TMEM158: variants seen among roughly 807,000 people sequenced by gnomAD.
TMEM158 encodes 40 kDa BINP-binding protein.
A neutral mutation model predicts 12.0 loss-of-function variants in TMEM158; 7 were observed. That is an observed-to-expected ratio of 0.59 (90% CI 0.33 to 1.10). The LOEUF (loss-of-function observed/expected upper bound fraction) is 1.10, where lower values mean the gene tolerates loss of function less well. Ranked by LOEUF, TMEM158 falls within the 50% of genes least tolerant of loss-of-function variation. The pLI, the probability that TMEM158 is intolerant of heterozygous loss-of-function variation, is 0.03. For missense variants in TMEM158, 405 were observed against 454.7 expected (o/e 0.89, Z 0.99); for synonymous variants, 209 against 231.1 (o/e 0.90, Z 0.87).
chr3:45,225,952 GCGCGTCCGCGGCCCCGC>G lies in TMEM158; in HGVS notation c.59_75del (p.Gly20AlafsTer193). The G allele has an allele frequency of 1.8e-6, 2 of 1,140,002 alleles. No homozygotes were observed. The highest frequency in any genetic ancestry group is 2.1e-6 in the Non-Finnish European group (2 of 931,898). 70.6% of individuals were successfully genotyped at this position (1,140,002 alleles called of 1,614,324 possible). A position where few individuals can be genotyped will look rare whatever the true frequency, so the allele number is the denominator to read the frequency against. On this transcript the variant is annotated frameshift_variant, in exon 1 of 1. Transcript: ENST00000503771. LOFTEE classifies it high-confidence loss of function. The surrounding 1 kb of genome is among the most constrained non-coding windows in gnomAD (Gnocchi z 5.7). Reference sequence around the variant, plus strand: ...TTGGAGGGCACCCCGAGGAGGCCGGGCGCGTCCGCGGCCCCGCCGCGGACGGGCGGCAGCGGGCAGGC... The same window carrying G: ...TTGGAGGGCACCCCGAGGAGGCCGGGCGCGGACGGGCGGCAGCGGGCAGGC...
At position 45,226,068 on chromosome 3, in the gene TMEM158, T is replaced by C. The variant is rs1418392388; in HGVS notation, c.-41A>G. The C allele has an allele frequency of 9.2e-6, 9 of 982,648 alleles. No individual in the cohort carries two copies. The highest frequency in any genetic ancestry group is 8.4e-6 in the Non-Finnish European group (7 of 830,034). The allele number at this position is 982,648 out of a possible 1,614,324, so 60.9% of individuals were successfully genotyped here. On this transcript the variant is annotated 5_prime_UTR_variant, in exon 1 of 1. Coordinates refer to ENST00000503771, the MANE Select transcript of TMEM158 (RefSeq NM_015444.3). ...CCTACGCGCGCGAGGCCGGCGGCGGTTGCATGGCGAGCGGGCGACGGGCCG... is the reference window on the plus strand; with the variant it reads ...CCTACGCGCGCGAGGCCGGCGGCGGCTGCATGGCGAGCGGGCGACGGGCCG...
chr3:45,224,998 T>C lies in TMEM158; in HGVS notation c.*127A>G, dbSNP rs1421994325. On this transcript the variant is annotated 3_prime_UTR_variant, in exon 1 of 1. Transcript: ENST00000503771. ...TGCTTTTCAAAGGCGCTGGGGTCTC[T>C]CGGCGGCCCCATCTCGGGAAGAGGA... The C allele has an allele frequency of 4.2e-6, 5 of 1,187,262 alleles. No individual in the cohort carries two copies. Among genetic ancestry groups the C allele is most frequent in the Non-Finnish European group, 3.1e-6 (3 of 958,166 alleles). The allele number at this position is 1,187,262 out of a possible 1,614,324, so 73.5% of individuals were successfully genotyped here.
chr3:45,225,861 G>C lies in TMEM158; in HGVS notation c.167C>G (p.Pro56Arg), dbSNP rs1405570259. Residue 56 changes from proline to arginine, a missense_variant, in exon 1 of 1, where the codon CCC becomes CGC. By Grantham distance (103) the Pro-to-Arg change is moderately radical. Transcript: ENST00000503771. The surrounding 1 kb of genome is among the most constrained non-coding windows in gnomAD (Gnocchi z 5.7). ...CGGGCCCGGGCGCTCGGGGGGCCCG[G>C]GGGCCGCCGAGGCCAGCAGCCGCGG... The part of the protein sequence containing the change: ...IAPRLLASAA[P>R]GPPERPGPEE... 4 of 1,230,606 alleles carry C rather than the reference G, an allele frequency of 3.3e-6. No homozygotes were observed. In the East Asian group the frequency reaches 1.4e-4, roughly 42 times the overall value. The allele number at this position is 1,230,606 out of a possible 1,614,324, so 76.2% of individuals were successfully genotyped here. A position where few individuals can be genotyped will look rare whatever the true frequency, so the allele number is the denominator to read the frequency against.
chr3:45,225,973 G>C lies in TMEM158; in HGVS notation c.55C>G (p.Arg19Gly), dbSNP rs1700156098. 1 of 1,108,304 alleles carries C rather than the reference G, an allele frequency of 9.0e-7. No homozygotes were observed. The highest frequency in any genetic ancestry group is 1.7e-5 in the African/African-American group (1 of 58,366). 68.7% of individuals were successfully genotyped at this position (1,108,304 alleles called of 1,614,324 possible). A position where few individuals can be genotyped will look rare whatever the true frequency, so the allele number is the denominator to read the frequency against. The change falls in exon 1 of 1, where the codon CGC (arginine) becomes GGC (glycine). Residue 19 changes from arginine (R) to glycine (G), a missense_variant. Arg to Gly is a moderately radical substitution (Grantham distance 125). Coordinates refer to ENST00000503771, the MANE Select transcript of TMEM158 (RefSeq NM_015444.3). This position sits in a 1 kb window ranked among gnomAD's most constrained non-coding sequence, Gnocchi z 5.7. ...CCGGGCGCGTCCGCGGCCCCGCCGC[G>C]GACGGGCGGCAGCGGGCAGGCGGCG... is the stretch of plus-strand genomic sequence containing the variant. ...LAAACPLPPVRGGAADAPGLL... is the reference protein window; with the variant it reads ...LAAACPLPPVGGGAADAPGLL...
rs949774187 is a variant in TMEM158, at chr3:45,226,002, A to C, written c.26T>G (p.Leu9Arg). The change falls in exon 1 of 1, where the codon CTG (leucine) becomes CGG (arginine). Residue 9 changes from leucine to arginine, a missense_variant. Physicochemically the swap from Leu to Arg is moderately radical, Grantham distance 102. Coordinates refer to ENST00000503771, the MANE Select transcript of TMEM158 (RefSeq NM_015444.3). ...GGGCGGCAGCGGGCAGGCGGCGGCC[A>C]GGAGCGCGGCGAGCAGGGGCAGCAT... is the stretch of plus-strand genomic sequence containing the variant. MLPLLAAL[L>R]AAACPLPPVR... The C allele has an allele frequency of 3.8e-6, 4 of 1,049,908 alleles. No homozygotes were observed. Among genetic ancestry groups the C allele is most frequent in the Non-Finnish European group, 4.6e-6 (4 of 875,936 alleles). The allele number at this position is 1,049,908 out of a possible 1,614,324, so 65.0% of individuals were successfully genotyped here.
Position 45,224,964 on chromosome 3 carries a change from C to CAT in TMEM158, c.*160_*161insAT. Reference sequence around the variant, plus strand: ...CTGCTTTTCGGAACTGGAAGCGCAGCACAAACCTTGCTTTTCAAAGGCGCT... The same window carrying CAT: ...CTGCTTTTCGGAACTGGAAGCGCAGCATACAAACCTTGCTTTTCAAAGGCGCT... On this transcript the variant is annotated 3_prime_UTR_variant, in exon 1 of 1. Coordinates refer to ENST00000503771, the MANE Select transcript of TMEM158 (RefSeq NM_015444.3). 2 of 1,142,050 alleles carry CAT rather than the reference C, an allele frequency of 1.8e-6. No homozygotes were observed. Among genetic ancestry groups the CAT allele is most frequent in the South Asian group, 4.5e-5 (1 of 22,346 alleles). The allele number at this position is 1,142,050 out of a possible 1,614,324, so 70.7% of individuals were successfully genotyped here.
Position 45,224,834 on chromosome 3 carries a change from G to A in TMEM158, c.*291C>T, listed in dbSNP as rs1410830441. ...CATGAATCTAGGGCACGTGGGTGCG[G>A]GGAAGGAGTCGGGCAGGGGGATGCA... is the stretch of plus-strand genomic sequence containing the variant. On this transcript the variant is annotated 3_prime_UTR_variant, in exon 1 of 1. Transcript: ENST00000503771. The A allele has an allele frequency of 3.0e-6, 1 of 328,460 alleles. No individual in the cohort carries two copies. The highest frequency in any genetic ancestry group is 2.2e-5 in the African/African-American group (1 of 46,280). 20.3% of individuals were successfully genotyped at this position (328,460 alleles called of 1,614,324 possible).
chr3:45,225,385 G>C lies in TMEM158; in HGVS notation c.643C>G (p.Leu215Val), dbSNP rs1168445061. 2 of 1,508,686 alleles carry C rather than the reference G, an allele frequency of 1.3e-6. No homozygotes were observed. Among genetic ancestry groups the C allele is most frequent in the Non-Finnish European group, 1.8e-6 (2 of 1,123,926 alleles). 93.5% of individuals were successfully genotyped at this position (1,508,686 alleles called of 1,614,324 possible). The change falls in exon 1 of 1, where the codon CTG becomes GTG. Residue 215 changes from leucine to valine, a missense_variant. Leu to Val is a conservative substitution (Grantham distance 32). Transcript: ENST00000503771. This position sits in a 1 kb window ranked among gnomAD's most constrained non-coding sequence, Gnocchi z 5.7. ...GTGGACTCAATGGGCTTACGGTTCAGCCGCCAGCCCGGCTCGCCCTGCAGC... is the reference window on the plus strand; with the variant it reads ...GTGGACTCAATGGGCTTACGGTTCACCCGCCAGCCCGGCTCGCCCTGCAGC... ...EELQGEPGWRLNRKPIESTLV... is the reference protein window; with the variant it reads ...EELQGEPGWRVNRKPIESTLV...
Position 45,225,782 on chromosome 3 carries a change from C to A in TMEM158, c.246G>T (p.Met82Ile). 7.1e-7 allele frequency: 1 copy of A among 1,414,008 alleles called. No individual in the cohort carries two copies. The highest frequency in any genetic ancestry group is 9.3e-7 in the Non-Finnish European group (1 of 1,078,152). The allele number at this position is 1,414,008 out of a possible 1,614,324, so 87.6% of individuals were successfully genotyped here. The change falls in exon 1 of 1, where the codon ATG becomes ATT. Residue 82 changes from methionine (M) to isoleucine (I), a missense_variant. Transcript: ENST00000503771. This position sits in a 1 kb window ranked among gnomAD's most constrained non-coding sequence, Gnocchi z 5.7. ...CCCAGCGCACGAGCAGCGAGCTCAG[C>A]ATCTGCCGCTGCACGCTGATGTTGC... Reference protein sequence around the residue: ...APCNISVQRQMLSSLLVRWGR... With the variant: ...APCNISVQRQILSSLLVRWGR...
Position 45,224,911 on chromosome 3 carries a change from C to CCCA in TMEM158, c.*211_*213dup. 1 of 808,070 alleles carries CCCA rather than the reference C, an allele frequency of 1.2e-6. No individual in the cohort carries two copies. Among genetic ancestry groups the CCCA allele is most frequent in the Non-Finnish European group, 1.6e-6 (1 of 614,554 alleles). The allele number at this position is 808,070 out of a possible 1,614,324, so 50.1% of individuals were successfully genotyped here. The stretch of plus-strand genomic sequence containing the variant: ...TCCTCTCCGTCTTCGGAGCTGCGAT[C>CCCA]CCACCCTCAGTCCAAGGGCTTAAAC... On this transcript the variant is annotated 3_prime_UTR_variant, in exon 1 of 1. Coordinates refer to ENST00000503771, the MANE Select transcript of TMEM158 (RefSeq NM_015444.3).
In TMEM158 at chr3:45,225,749, C is replaced by T; in HGVS notation, c.279G>A (p.Pro93=). Residue 93 remains proline (P), a synonymous_variant, in exon 1 of 1, where the codon CCG becomes CCA. Transcript: ENST00000503771. The surrounding 1 kb of genome is among the most constrained non-coding windows in gnomAD (Gnocchi z 5.7). Reference sequence around the variant, plus strand: ...GCAGTAGGTCGCACTGGAAGCCCCGCGGGCGGCCCCAGCGCACGAGCAGCG... The same window carrying T: ...GCAGTAGGTCGCACTGGAAGCCCCGTGGGCGGCCCCAGCGCACGAGCAGCG... ...LSSLLVRWGR[P]RGFQCDLLLF... The T allele has an allele frequency of 6.9e-6, 10 of 1,442,260 alleles. No homozygotes were observed. The highest frequency in any genetic ancestry group is 7.3e-6 in the Non-Finnish European group (8 of 1,093,126). The allele number at this position is 1,442,260 out of a possible 1,614,324, so 89.3% of individuals were successfully genotyped here. A position where few individuals can be genotyped will look rare whatever the true frequency, so the allele number is the denominator to read the frequency against.
Position 45,225,410 on chromosome 3 carries a change from C to T in TMEM158, c.618G>A (p.Glu206=). 1 of 1,464,996 alleles carries T rather than the reference C, an allele frequency of 6.8e-7. No homozygotes were observed. Among genetic ancestry groups the T allele is most frequent in the South Asian group, 1.4e-5 (1 of 73,820 alleles). 90.7% of individuals were successfully genotyped at this position (1,464,996 alleles called of 1,614,324 possible). A position where few individuals can be genotyped will look rare whatever the true frequency, so the allele number is the denominator to read the frequency against. The change falls in exon 1 of 1, where the codon GAG becomes GAA. Residue 206 remains glutamate, a synonymous_variant. Transcript: ENST00000503771. The surrounding 1 kb of genome is among the most constrained non-coding windows in gnomAD (Gnocchi z 5.7). ...HFCCLDFSLE[E]LQGEPGWRLN... ...GCCGCCAGCCCGGCTCGCCCTGCAG[C>T]TCCTCCAGGCTGAAGTCTAGGCAGC...
Position 45,225,692 on chromosome 3 carries a change from G to C in TMEM158, c.336C>G (p.Phe112Leu), listed in dbSNP as rs1266327721. The change falls in exon 1 of 1, where the codon TTC (phenylalanine) becomes TTG (leucine). Residue 112 changes from phenylalanine (F) to leucine (L), a missense_variant. Transcript: ENST00000503771. The surrounding 1 kb of genome is among the most constrained non-coding windows in gnomAD (Gnocchi z 5.7). ...CGACGCGGTGGAAGGCGGCGGCGAA[G>C]AAAGCGCGGCCGTGCGCGTTGGTGG... ...LFSTNAHGRA[F>L]FAAAFHRVGP... The C allele has an allele frequency of 1.4e-6, 2 of 1,462,770 alleles. No individual in the cohort carries two copies. The highest frequency in any genetic ancestry group is 1.8e-6 in the Non-Finnish European group (2 of 1,104,988). 90.6% of individuals were successfully genotyped at this position (1,462,770 alleles called of 1,614,324 possible).
Position 45,226,186 on chromosome 3 carries a change from G to T in TMEM158, c.-159C>A, listed in dbSNP as rs1700158433. 5 of 930,278 alleles carry T rather than the reference G, an allele frequency of 5.4e-6. No individual in the cohort carries two copies. Among genetic ancestry groups the T allele is most frequent in the Non-Finnish European group, 6.4e-6 (5 of 781,556 alleles). 57.6% of individuals were successfully genotyped at this position (930,278 alleles called of 1,614,324 possible). A position where few individuals can be genotyped will look rare whatever the true frequency, so the allele number is the denominator to read the frequency against. ...AGCCCGCAGGGGCGGCGCGGAGGCGGTGACGGCGGCTGGCTCGGCGCGGGG... is the reference window on the plus strand; with the variant it reads ...AGCCCGCAGGGGCGGCGCGGAGGCGTTGACGGCGGCTGGCTCGGCGCGGGG... On this transcript the variant is annotated 5_prime_UTR_variant, in exon 1 of 1. Coordinates refer to ENST00000503771, the MANE Select transcript of TMEM158 (RefSeq NM_015444.3).
At position 45,225,811 on chromosome 3, in the gene TMEM158, GCGC is replaced by G. The variant is rs958104992; in HGVS notation, c.214_216del (p.Ala72del). Reference sequence around the variant, plus strand: ...TGCCGCTGCACGCTGATGTTGCACGGCGCCGCCGCCGCCGCCGCCTCCTCCGGG... The same window carrying G: ...TGCCGCTGCACGCTGATGTTGCACGGCGCCGCCGCCGCCGCCTCCTCCGGG... On this transcript the variant is annotated inframe_deletion, in exon 1 of 1. Transcript: ENST00000503771. This position sits in a 1 kb window ranked among gnomAD's most constrained non-coding sequence, Gnocchi z 5.7. The G allele has an allele frequency of 1.8e-4, 240 of 1,331,016 alleles. 1 individual carries two copies. The highest frequency in any genetic ancestry group is 1.6e-3 in the Middle Eastern group (6 of 3,646). The allele number at this position is 1,331,016 out of a possible 1,614,324, so 82.5% of individuals were successfully genotyped here.
At position 45,225,795 on chromosome 3, in the gene TMEM158, A is replaced by T; in HGVS notation, c.233T>A (p.Val78Glu). 1 of 1,396,140 alleles carries T rather than the reference A, an allele frequency of 7.2e-7. No individual in the cohort carries two copies. Among genetic ancestry groups the T allele is most frequent in the Non-Finnish European group, 9.4e-7 (1 of 1,069,236 alleles). The allele number at this position is 1,396,140 out of a possible 1,614,324, so 86.5% of individuals were successfully genotyped here. ...AAAAAPCNIS[V>E]QRQMLSSLLV... ...CAGCGAGCTCAGCATCTGCCGCTGCACGCTGATGTTGCACGGCGCCGCCGC... is the reference window on the plus strand; with the variant it reads ...CAGCGAGCTCAGCATCTGCCGCTGCTCGCTGATGTTGCACGGCGCCGCCGC... Residue 78 changes from valine to glutamate, a missense_variant, in exon 1 of 1, where the codon GTG becomes GAG. Physicochemically the swap from Val to Glu is moderately radical, Grantham distance 121. Coordinates refer to ENST00000503771, the MANE Select transcript of TMEM158 (RefSeq NM_015444.3). The surrounding 1 kb of genome is among the most constrained non-coding windows in gnomAD (Gnocchi z 5.7).
Position 45,226,018 on chromosome 3 carries a change from G to A in TMEM158, c.10C>T (p.Leu4=). The change falls in exon 1 of 1, where the codon CTG becomes TTG. Residue 4 remains leucine (L), a synonymous_variant. Transcript: ENST00000503771. The part of the protein sequence containing the change: MLP[L]LAALLAAACP... ...GCGGCGGCCAGGAGCGCGGCGAGCA[G>A]GGGCAGCATGGCCTGCGGCGGGCGC... The A allele has an allele frequency of 9.8e-7, 1 of 1,022,272 alleles. No homozygotes were observed. Among genetic ancestry groups the A allele is most frequent in the Non-Finnish European group, 1.2e-6 (1 of 856,338 alleles). The allele number at this position is 1,022,272 out of a possible 1,614,324, so 63.3% of individuals were successfully genotyped here. A position where few individuals can be genotyped will look rare whatever the true frequency, so the allele number is the denominator to read the frequency against.
Position 45,225,164 on chromosome 3 carries a change from G to A in TMEM158, c.864C>T (p.Ala288=). The A allele has an allele frequency of 5.5e-6, 7 of 1,264,592 alleles. No individual in the cohort carries two copies. The highest frequency in any genetic ancestry group is 5.9e-6 in the Non-Finnish European group (6 of 1,009,354). 78.3% of individuals were successfully genotyped at this position (1,264,592 alleles called of 1,614,324 possible). A position where few individuals can be genotyped will look rare whatever the true frequency, so the allele number is the denominator to read the frequency against. The stretch of plus-strand genomic sequence containing the variant: ...CCCCCGAAGTGACGGCCGCGGCGGC[G>A]GCGGCAGCGGCGGCGGCGGCGGCGG... ...TAAAAAAAAA[A]AAAAVTSGVA... is the part of the protein sequence containing the mutation. The change falls in exon 1 of 1, where the codon GCC becomes GCT. Residue 288 remains alanine (A), a synonymous_variant. Coordinates refer to ENST00000503771, the MANE Select transcript of TMEM158 (RefSeq NM_015444.3). This position sits in a 1 kb window ranked among gnomAD's most constrained non-coding sequence, Gnocchi z 5.7.
chr3:45,225,373 G>T lies in TMEM158; in HGVS notation c.655C>A (p.Pro219Thr). ...CAGGCCACCAGCGTGGACTCAATGG[G>T]CTTACGGTTCAGCCGCCAGCCCGGC... is the stretch of plus-strand genomic sequence containing the variant. ...GEPGWRLNRK[P>T]IESTLVACFM... The change falls in exon 1 of 1, where the codon CCC becomes ACC. Residue 219 changes from proline (P) to threonine (T), a missense_variant. Pro to Thr is a conservative substitution (Grantham distance 38, BLOSUM62 -1). Coordinates refer to ENST00000503771, the MANE Select transcript of TMEM158 (RefSeq NM_015444.3). The surrounding 1 kb of genome is among the most constrained non-coding windows in gnomAD (Gnocchi z 5.7). 6.6e-7 allele frequency: 1 copy of T among 1,520,144 alleles called. No individual in the cohort carries two copies. The highest frequency in any genetic ancestry group is 1.4e-5 in the African/African-American group (1 of 70,440). 94.2% of individuals were successfully genotyped at this position (1,520,144 alleles called of 1,614,324 possible).
Sources: allele counts gnomAD v4.1 joint callset, GRCh38; gene constraint gnomAD v4.1.1; non-coding constraint Gnocchi (gnomAD v3.1); transcripts MANE v1.5; gene names NCBI Gene and HGNC (gene_info 2026-07-23, HGNC 2026-07-21).